The following TTC6 variants were observed in gnomAD, a reference collection of about 807,000 sequenced individuals.
TTC6 encodes the protein tetratricopeptide repeat domain 6.
In TTC6, 172 loss-of-function variants were observed where a neutral mutation model predicts 210.4. The ratio of observed to expected loss-of-function variants is 0.82; its 90% CI spans 0.72 to 0.93. The LOEUF (loss-of-function observed/expected upper bound fraction) is 0.93. TTC6 is among the 40% of genes least tolerant of loss of function. The probability of loss-of-function intolerance (pLI) is 0.00; values close to 1 mark genes in which losing one functional copy is unlikely to be tolerated. For missense variants in TTC6, 2,414 were observed against 2,318.1 expected, an observed-to-expected ratio of 1.04 and a Z score of -0.85; for synonymous variants, 804 against 819.6, an observed-to-expected ratio of 0.98 and a Z score of 0.32.
Position 37,598,005 on chromosome 14 carries a change from C to G in TTC6, c.-235+1997C>G, listed in dbSNP as rs1039330202. On this transcript the variant is annotated intron_variant, in intron 1 of 2. Coordinates refer to the TTC6 transcript ENST00000556845. This position sits in a 1 kb window ranked among gnomAD's most constrained non-coding sequence, Gnocchi z 4.9. ...CTTTCCCTGAGGTTTAAAAGCGAAT[C>G]AGCAGGGTCGTGTTGGGTCTTTGAC... is the stretch of plus-strand genomic sequence containing the variant. Among the ~76,000 whole-genome samples, 13 of 152,208 alleles carry G rather than the reference C, an allele frequency of 8.5e-5. No individual in the cohort carries two copies. The highest frequency in any genetic ancestry group is 7.2e-4 in the Admixed American group (11 of 15,278).
chr14:37,632,636 C>T (rs112264500), intron 1 of TTC6, among the ~76,000 whole-genome samples: 1 of 152,310 alleles, frequency 6.6e-6, no homozygotes, highest in East Asian at 1.9e-4. Flanking sequence ...CTTAGCAGAG[C>T]TCTTGTGCTG....
chr14:37,709,958 T>C (rs11850839), intron 5 of TTC6, among the ~76,000 whole-genome samples: 1 of 152,130 alleles, frequency 6.6e-6, no homozygotes, highest in Non-Finnish European at 1.5e-5. Context: ...GTTTTTCAAA[T>C]TGTGGATTGC....
In TTC6 at chr14:37,789,548, G is replaced by A. The variant is rs532058556; in HGVS notation, c.3437-1169G>A. On this transcript the variant is annotated intron_variant, in intron 15 of 30. Transcript: ENST00000553443. ...GACATTCGCATTGTGGATCAAGTAG[G>A]GGAAACGATTGATATTCATTAATGG... is the stretch of plus-strand genomic sequence containing the variant. Among the ~76,000 whole-genome samples the A allele has an allele frequency of 1.0e-4, 15 of 148,390 alleles. No individual in the cohort carries two copies. In the East Asian group the frequency reaches 3.0e-3, roughly 29 times the overall value.
At chr14:37,770,565 C>T (rs1448706167) in intron 14 of TTC6, among the ~76,000 whole-genome samples, 2 of 152,032 alleles carry the variant, frequency 1.3e-5, no homozygotes, top group Admixed American at 6.5e-5. Context: ...TAATGGCCTT[C>T]TTTGTCTCTT....
At chr14:37,823,551 A>G (rs566956011) in intron 26 of TTC6, among the ~76,000 whole-genome samples, 196 bp from the exon 29 acceptor site, 13 of 152,258 alleles carry the variant, frequency 8.5e-5, no homozygotes, top group Non-Finnish European at 1.3e-4. Flanking sequence ...TTTTACCAAA[A>G]TCTTCGAAGG....
chr14:37,697,557 T>C (rs1436777457), intron 4 of TTC6, among the ~76,000 whole-genome samples: 2 of 152,140 alleles, frequency 1.3e-5, no homozygotes, highest in East Asian at 1.9e-4. Flanking sequence ...CTGAAAGGTA[T>C]GCTGGACATG....
chr14:37,682,728 G>A (rs887923813), intron 2 of TTC6, 30 bp from the exon 5 acceptor site: 6 of 1,518,252 alleles, frequency 4.0e-6, no homozygotes, highest in African/African-American at 1.4e-5. Flanking sequence ...TAAAAAAAAA[G>A]CATTCTTGCA....
At chr14:37,831,032 T>C (rs1454040340) in intron 29 of TTC6, among the ~76,000 whole-genome samples, 1 of 152,130 alleles carries the variant, frequency 6.6e-6, no homozygotes, top group Non-Finnish European at 1.5e-5. Flanking sequence ...ATTTCTTCCA[T>C]ATAACTGTAT....
intron 4 of TTC6, among the ~76,000 whole-genome samples, chr14:37,697,681 T>C (rs913311151): frequency 6.6e-6 from 1 of 152,192 alleles, no homozygotes; most frequent in African/African-American, 2.4e-5. Context: ...AACAGTCAAA[T>C]TGGCATTTAA....
At position 37,622,242 on chromosome 14, in the gene TTC6, G is replaced by GCCCGC. The variant is rs1566844117; in HGVS notation, c.184_188dup (p.Arg64ProfsTer72). 4 of 1,535,254 alleles carry GCCCGC rather than the reference G, an allele frequency of 2.6e-6. No individual in the cohort carries two copies. Among genetic ancestry groups the GCCCGC allele is most frequent in the Admixed American group, 3.9e-5 (2 of 50,966 alleles). ...CCACAGCCTCCATGCCCCCGGCCCG[G>GCCCGC]CCCGCCCCGCGCGCGTTTCCTGCGC... On this transcript the variant is annotated frameshift_variant, in exon 1 of 31. Coordinates refer to ENST00000553443, the Ensembl canonical transcript of TTC6. LOFTEE classifies it high-confidence loss of function.
At chr14:37,603,750 C>G (rs1244955810) in intron 1 of TTC6, among the ~76,000 whole-genome samples, 2 of 152,164 alleles carry the variant, frequency 1.3e-5, no homozygotes, top group Non-Finnish European at 2.9e-5. Context: ...GTGTCTGAGG[C>G]TGAAGATCTC....
At chr14:37,792,804 G>A (rs1019067189) in intron 17 of TTC6, among the ~76,000 whole-genome samples, 2 of 151,046 alleles carry the variant, frequency 1.3e-5, no homozygotes, top group African/African-American at 4.9e-5. Flanking sequence ...GTGTGTGTGT[G>A]TGTGTGTGTG....
intron 7 of TTC6, among the ~76,000 whole-genome samples, chr14:37,734,706 A>AT (rs901029714): frequency 2.5e-4 from 37 of 149,976 alleles, no homozygotes; most frequent in African/African-American, 6.1e-4. Flanking sequence ...GAGTAGGAGG[A>AT]TTTTTTTTTT....
intron 1 of TTC6, among the ~76,000 whole-genome samples, chr14:37,655,494 T>A (rs2095720642): frequency 6.6e-6 from 1 of 152,186 alleles, no homozygotes; most frequent in Non-Finnish European, 1.5e-5. Flanking sequence ...AGTCTTAACC[T>A]TTTTCCCAGA....
intron 14 of TTC6, among the ~76,000 whole-genome samples, chr14:37,766,022 T>C (rs963086514): frequency 6.6e-6 from 1 of 152,146 alleles, no homozygotes; most frequent in African/African-American, 2.4e-5. Flanking sequence ...AGATTGATCA[T>C]AATGTGTCTC....
intron 1 of TTC6, among the ~76,000 whole-genome samples, chr14:37,668,193 C>A (rs576127826): frequency 6.7e-6 from 1 of 150,196 alleles, no homozygotes; most frequent in African/African-American, 2.4e-5. Flanking sequence ...AATTCCAAAC[C>A]GTAGATAGCA....
At chr14:37,736,336 G>A (rs1334608536) in intron 8 of TTC6, among the ~76,000 whole-genome samples, 1 of 152,074 alleles carries the variant, frequency 6.6e-6, no homozygotes, top group African/African-American at 2.4e-5. Context: ...AACAGTGGGA[G>A]ACTGTCTCAA....
At chr14:37,792,354 T>G in exon 17 of TTC6, 1 of 1,533,084 alleles carries the variant, frequency 6.5e-7, no homozygotes, top group Admixed American at 2.0e-5. Flanking sequence ...TTTCTGAGGC[T>G]ATTAGAATTG....
chr14:37,764,164 A>C (rs1248886042), intron 14 of TTC6, among the ~76,000 whole-genome samples: 1 of 152,080 alleles, frequency 6.6e-6, no homozygotes, highest in Non-Finnish European at 1.5e-5. Flanking sequence ...CATCTTTAAA[A>C]TTTACTGGGA....
Sources: allele counts gnomAD v4.1 joint callset (sites outside exome capture counted in the v4.1 genomes callset), GRCh38; gene constraint gnomAD v4.1.1; non-coding constraint Gnocchi (gnomAD v3.1); transcripts MANE v1.5; gene names NCBI Gene and HGNC (gene_info 2026-07-23, HGNC 2026-07-21).